CBLB: variants seen among roughly 807,000 people sequenced by gnomAD.
CBLB encodes the protein Cbl proto-oncogene B.
A neutral mutation model predicts 104.9 loss-of-function variants in CBLB; 31 were observed. The observed-to-expected ratio is 0.30, with a 90% confidence interval of 0.22 to 0.40. The LOEUF is 0.40. Among genes scored for constraint, CBLB ranks in the 10% least tolerant of loss-of-function variants. CBLB has a pLI of 1.00. For synonymous variants in CBLB, 440 were observed against 422.6 expected (o/e 1.04, Z -0.51); for missense variants, 1,062 against 1,214.6 (o/e 0.87, Z 1.87).
chr3:105,679,878 A>C (rs1394825586), intron 16 of CBLB, among the ~76,000 whole-genome samples: 1 of 152,194 alleles, frequency 6.6e-6, no homozygotes, highest in Non-Finnish European at 1.5e-5. Context: ...AAGATGCACA[A>C]GACAGAGTTT....
At chr3:105,766,152 A>T (rs2078196725) in intron 4 of CBLB, among the ~76,000 whole-genome samples, 1 of 152,176 alleles carries the variant, frequency 6.6e-6, no homozygotes, top group African/African-American at 2.4e-5. Context: ...TTGCTAGAGA[A>T]CTAGAATTAG....
chr3:105,772,968 A>G (rs991296145), intron 4 of CBLB, among the ~76,000 whole-genome samples: 3 of 152,242 alleles, frequency 2.0e-5, no homozygotes, highest in African/African-American at 7.2e-5. Flanking sequence ...CCACTATGGA[A>G]AACAGTATGG....
intron 9 of CBLB, among the ~76,000 whole-genome samples, chr3:105,720,870 A>C (rs1214400308): frequency 1.3e-5 from 2 of 152,234 alleles, no homozygotes; most frequent in Non-Finnish European, 2.9e-5. Flanking sequence ...GTGAGATACT[A>C]AGTTTTGCCC....
chr3:105,821,196 A>G (rs924909227), intron 3 of CBLB, among the ~76,000 whole-genome samples: 1 of 152,048 alleles, frequency 6.6e-6, no homozygotes, highest in African/African-American at 2.4e-5. Context: ...ACACAACATA[A>G]TTTACATACC....
intron 9 of CBLB, among the ~76,000 whole-genome samples, chr3:105,727,905 T>A (rs966069250): frequency 6.6e-6 from 1 of 152,218 alleles, no homozygotes; most frequent in Non-Finnish European, 1.5e-5. Context: ...GGTCTAGATA[T>A]CTGTTTTGGT....
At chr3:105,763,482 T>C (rs1485223153) in intron 4 of CBLB, among the ~76,000 whole-genome samples, 1 of 152,218 alleles carries the variant, frequency 6.6e-6, no homozygotes, top group Non-Finnish European at 1.5e-5. Context: ...CCACAAACTA[T>C]TCTTGTGGTA....
chr3:105,697,270 T>C (rs756521209), intron 12 of CBLB, among the ~76,000 whole-genome samples: 16 of 152,016 alleles, frequency 1.1e-4, no homozygotes, highest in Non-Finnish European at 1.3e-4. Flanking sequence ...ATTAGAAATC[T>C]AGGTTATCTT....
chr3:105,866,520 C>T (rs1230821135), intron 2 of CBLB, among the ~76,000 whole-genome samples: 1 of 152,146 alleles, frequency 6.6e-6, no homozygotes, highest in East Asian at 1.9e-4. Context: ...CAAACATTTA[C>T]TAATAAATCC....
At chr3:105,743,379 G>C (rs779138720) in intron 6 of CBLB, among the ~76,000 whole-genome samples, 12 of 150,494 alleles carry the variant, frequency 8.0e-5, no homozygotes, top group Admixed American at 5.3e-4. Context: ...AGAATCGTTT[G>C]AACCCAGGAG....
At chr3:105,779,997 G>C (rs1180035034) in intron 3 of CBLB, among the ~76,000 whole-genome samples, 1 of 151,668 alleles carries the variant, frequency 6.6e-6, no homozygotes, top group East Asian at 1.9e-4. Flanking sequence ...GGGATTACAG[G>C]TATGCACCAC....
chr3:105,747,165 ATC>A (rs1211890784), intron 5 of CBLB, among the ~76,000 whole-genome samples: 1 of 152,230 alleles, frequency 6.6e-6, no homozygotes, highest in Non-Finnish European at 1.5e-5. Flanking sequence ...TGGATGAATC[ATC>A]TCTGCGATTT....
intron 2 of CBLB, among the ~76,000 whole-genome samples, chr3:105,855,419 G>C (rs745370070): frequency 2.0e-5 from 3 of 152,184 alleles, no homozygotes; most frequent in Non-Finnish European, 4.4e-5. Context: ...TCTTACCACA[G>C]AAAGGTAATT....
chr3:105,754,998 TGAA>T (rs1311854144), intron 4 of CBLB, among the ~76,000 whole-genome samples: 1 of 151,416 alleles, frequency 6.6e-6, no homozygotes, highest in Non-Finnish European at 1.5e-5. Flanking sequence ...TTTAAAGTCT[TGAA>T]AAACAGTATC....
intron 3 of CBLB, among the ~76,000 whole-genome samples, chr3:105,808,295 T>C (rs1258946393): frequency 6.6e-6 from 1 of 152,200 alleles, no homozygotes; most frequent in Non-Finnish European, 1.5e-5. Context: ...TTTAGCTTAA[T>C]ACAAAAACTT....
chr3:105,684,060 G>A (rs140771078), intron 14 of CBLB, among the ~76,000 whole-genome samples: 2 of 152,316 alleles, frequency 1.3e-5, no homozygotes, highest in East Asian at 1.9e-4. Context: ...AGGGAACACT[G>A]TACTTATAAA....
chr3:105,764,977 C>A (rs2078060602), intron 4 of CBLB, among the ~76,000 whole-genome samples: 1 of 152,182 alleles, frequency 6.6e-6, no homozygotes, highest in South Asian at 2.1e-4. Flanking sequence ...ATTCAGGAAG[C>A]TTCAGAAGTA....
intron 3 of CBLB, among the ~76,000 whole-genome samples, chr3:105,835,465 C>A (rs905768524): frequency 6.6e-6 from 1 of 152,134 alleles, no homozygotes; most frequent in Non-Finnish European, 1.5e-5. Flanking sequence ...TTTAATTCAA[C>A]CAACTTGATA....
At chr3:105,690,633 C>T (rs1032036015) in intron 13 of CBLB, among the ~76,000 whole-genome samples, 6 of 151,904 alleles carry the variant, frequency 3.9e-5, no homozygotes, top group Non-Finnish European at 8.8e-5. Flanking sequence ...ACCAGCCTGG[C>T]CAATATGGTG....
Position 105,679,897 on chromosome 3 carries a change from T to C in CBLB, c.2429-1326A>G, listed in dbSNP as rs138516895. Among the ~76,000 whole-genome samples, 1,032 of 152,306 alleles carry C rather than the reference T, an allele frequency of 6.8e-3. 8 individuals carry two copies. The highest frequency in any genetic ancestry group is 0.011 in the Non-Finnish European group (716 of 68,020). On this transcript the variant is annotated intron_variant, in intron 16 of 18. Coordinates refer to ENST00000394030, the MANE Select transcript of CBLB (RefSeq NM_170662.5). ...TGCACAAGACAGAGTTTTGCTATCA[T>C]TTTAACCTTCAGCTATTTCCTACAT... is the stretch of plus-strand genomic sequence containing the variant.
Sources: allele counts gnomAD v4.1 joint callset (sites outside exome capture counted in the v4.1 genomes callset), GRCh38; gene constraint gnomAD v4.1.1; transcripts MANE v1.5; gene names NCBI Gene and HGNC (gene_info 2026-07-23, HGNC 2026-07-21).